Variants in FADS2 observed in about 807,000 individuals in gnomAD.
The protein encoded by FADS2 is acyl-CoA 6-desaturase.
A neutral mutation model predicts 61.2 loss-of-function variants in FADS2; 18 were observed. That is an observed-to-expected ratio of 0.29 (90% CI 0.20 to 0.44). The LOEUF (loss-of-function observed/expected upper bound fraction) is 0.44, where lower values mean the gene tolerates loss of function less well. FADS2 is among the 20% of genes least tolerant of loss of function. The probability of loss-of-function intolerance (pLI) is 1.00; values close to 1 mark genes in which losing one functional copy is unlikely to be tolerated. For missense variants in FADS2, 322 were observed against 572.7 expected (o/e 0.56, Z 4.47); for synonymous variants, 203 against 223.9 (o/e 0.91, Z 0.83).
chr11:61,823,501 T>C (rs1457537525), upstream of FADS2, among the ~76,000 whole-genome samples: 1 of 152,202 alleles, frequency 6.6e-6, no homozygotes, highest in Non-Finnish European at 1.5e-5. Flanking sequence ...CACCTAGAGA[T>C]AATAACCCAG....
chr11:61,816,874 G>A lies in FADS2; in HGVS notation c.141+448G>A, dbSNP rs1591157958. 6.8e-7 allele frequency: 1 copy of A among 1,477,540 alleles called. No individual in the cohort carries two copies. Among genetic ancestry groups the A allele is most frequent in the Non-Finnish European group, 8.9e-7 (1 of 1,125,000 alleles). The allele number at this position is 1,477,540 out of a possible 1,614,324, so 91.5% of individuals were successfully genotyped here. A position where few individuals can be genotyped will look rare whatever the true frequency, so the allele number is the denominator to read the frequency against. On this transcript the variant is annotated intron_variant, in intron 1 of 11. Coordinates refer to the FADS2 transcript ENST00000257261. The surrounding 1 kb of genome is among the most constrained non-coding windows in gnomAD (Gnocchi z 7.0). ...CGCGCCCAGAGCCAGCCGCCTGCGC[G>A]CCGGGTTTTCAGCACCGCAGGGCAG...
intron 4 of FADS2, among the ~76,000 whole-genome samples, chr11:61,842,841 A>T (rs1432473099): frequency 6.6e-6 from 1 of 152,198 alleles, no homozygotes; most frequent in Non-Finnish European, 1.5e-5. Flanking sequence ...TCTTCCCATC[A>T]CTGGGAAAAA....
chr11:61,826,143 G>C (rs1445904389), upstream of FADS2: 1 of 702,622 alleles, frequency 1.4e-6, no homozygotes. Context: ...CCATGGTAAA[G>C]TCCTCCCTTC....
intron 5 of FADS2, chr11:61,849,714 G>A (rs2067289647): frequency 6.6e-6 from 1 of 152,128 alleles, no homozygotes; most frequent in Admixed American, 6.6e-5. Flanking sequence ...GTATAAACAT[G>A]CATATATCTG....
intron 6 of FADS2, 48 bp downstream of exon 6, chr11:61,857,119 C>G (rs769345513): frequency 1.3e-5 from 20 of 1,489,062 alleles, no homozygotes; most frequent in Middle Eastern, 1.7e-4. Flanking sequence ...CCCCTCCCCC[C>G]AGAGTGGCGT....
At chr11:61,847,925 T>C in intron 4 of FADS2, 1 of 499,348 alleles carries the variant, frequency 2.0e-6, no homozygotes. Context: ...GCCACCATCG[T>C]CTTATGATCA....
intron 5 of FADS2, 36 bp from the exon 6 acceptor site, chr11:61,856,975 G>A: frequency 6.3e-7 from 1 of 1,576,552 alleles, no homozygotes; most frequent in Non-Finnish European, 8.7e-7. Flanking sequence ...GGGAGCTGAG[G>A]CTACTGGGTG....
intron 1 of FADS2, chr11:61,821,420 C>A (rs1368707328): frequency 2.8e-6 from 2 of 701,878 alleles, no homozygotes; most frequent in Admixed American, 4.0e-5. Flanking sequence ...TGTAATGAAG[C>A]CATAATTGAA....
chr11:61,834,730 C>T (rs1432953223), intron 1 of FADS2, among the ~76,000 whole-genome samples: 1 of 152,150 alleles, frequency 6.6e-6, no homozygotes, highest in Non-Finnish European at 1.5e-5. Flanking sequence ...AACTGCCTTA[C>T]CAGGGACTTC....
intron 4 of FADS2, among the ~76,000 whole-genome samples, chr11:61,844,504 G>A (rs2067239864): frequency 6.6e-6 from 1 of 151,850 alleles, no homozygotes; most frequent in Non-Finnish European, 1.5e-5. Context: ...AGCCGAGATC[G>A]TGCCACAGCC....
upstream of FADS2, chr11:61,826,296 T>C (rs1489413136): frequency 1.4e-6 from 1 of 702,494 alleles, no homozygotes; most frequent in Non-Finnish European, 2.6e-6. Context: ...CTACCCTGGC[T>C]GGTACTGTGC....
chr11:61,853,239 T>TTC (rs1565334469), intron 5 of FADS2, among the ~76,000 whole-genome samples: 22 of 118,124 alleles, frequency 1.9e-4, no homozygotes, highest in African/African-American at 5.3e-4. Flanking sequence ...TTCTCTTTCT[T>TTC]TCTTTCTCTC....
chr11:61,828,279 G>A, upstream of FADS2: 1 of 1,462,060 alleles, frequency 6.8e-7, no homozygotes, highest in Non-Finnish European at 9.0e-7. The surrounding 1 kb of genome is among the most constrained non-coding windows in gnomAD (Gnocchi z 6.4). Context: ...GACAAAAGCC[G>A]AAAGCGAAGA....
chr11:61,827,670 C>G (rs946952914), upstream of FADS2: 3 of 152,164 alleles, frequency 2.0e-5, no homozygotes, highest in Admixed American at 2.0e-4. The surrounding 1 kb of genome is among the most constrained non-coding windows in gnomAD (Gnocchi z 4.5). Context: ...TTGCTGGCAC[C>G]CTGGTGGCCG....
At position 61,865,859 on chromosome 11, in the gene FADS2, C is replaced by A. The variant is rs1357434423; in HGVS notation, c.*170C>A. Reference sequence around the variant, plus strand: ...CTCTCCTTTTTCTCTTCACATCTCCCCCATAGCACCCTGCCCTCATGGGAC... The same window carrying A: ...CTCTCCTTTTTCTCTTCACATCTCCACCATAGCACCCTGCCCTCATGGGAC... On this transcript the variant is annotated 3_prime_UTR_variant, in exon 12 of 12. Transcript: ENST00000278840. This position sits in a 1 kb window ranked among gnomAD's most constrained non-coding sequence, Gnocchi z 4.1. The A allele has an allele frequency of 6.4e-6, 4 of 620,942 alleles. No individual in the cohort carries two copies. The highest frequency in any genetic ancestry group is 1.1e-5 in the Non-Finnish European group (4 of 348,038). The allele number at this position is 620,942 out of a possible 1,614,324, so 38.5% of individuals were successfully genotyped here. A position where few individuals can be genotyped will look rare whatever the true frequency, so the allele number is the denominator to read the frequency against.
At chr11:61,857,385 G>C in intron 6 of FADS2, 69 bp from the exon 7 acceptor site, 1 of 1,424,676 alleles carries the variant, frequency 7.0e-7, no homozygotes, top group Non-Finnish European at 9.9e-7. Context: ...GCTGGGCCTG[G>C]GTTCCCCTGA....
At chr11:61,835,160 G>A (rs571200489) in intron 1 of FADS2, among the ~76,000 whole-genome samples, 109 of 152,128 alleles carry the variant, frequency 7.2e-4, no homozygotes, top group Non-Finnish European at 1.4e-3. Context: ...TTTTCGGCTC[G>A]GCTAGTGGGT....
intron 2 of FADS2, 44 bp downstream of exon 2, chr11:61,837,932 G>A: frequency 7.2e-7 from 1 of 1,397,286 alleles, no homozygotes. Context: ...GACGAGGCTG[G>A]GGGTGGCTGG....
intron 7 of FADS2, among the ~76,000 whole-genome samples, chr11:61,860,109 A>G (rs1173659693): frequency 1.3e-5 from 2 of 152,356 alleles, no homozygotes; most frequent in East Asian, 3.9e-4. Flanking sequence ...ACTGGTTCTC[A>G]GGGGAGCTGT....
Sources: gnomAD v4.1 joint callset for allele counts (sites outside exome capture counted in the v4.1 genomes callset) on GRCh38, gnomAD v4.1.1 for gene constraint, Gnocchi (gnomAD v3.1) non-coding constraint, MANE v1.5 for transcripts, NCBI Gene and HGNC (gene_info 2026-07-23, HGNC 2026-07-21) for gene names.